The following KRT80 variants were observed in gnomAD, a reference collection of about 807,000 sequenced individuals.
KRT80 encodes the protein keratin, type II cytoskeletal 80.
A neutral mutation model predicts 51.5 loss-of-function variants in KRT80; 36 were observed. The observed-to-expected ratio is 0.70, with a 90% CI of 0.54 to 0.92. The LOEUF (loss-of-function observed/expected upper bound fraction) is 0.92, where lower values mean the gene tolerates loss of function less well. KRT80 is among the 40% of genes least tolerant of loss of function. KRT80 has a pLI of 0.00. For synonymous variants in KRT80, 235 were observed against 248.3 expected (o/e 0.95, Z 0.50); for missense variants, 566 against 591.7 (o/e 0.96, Z 0.45).
At position 52,191,188 on chromosome 12, in the gene KRT80, T is replaced by A. The variant is rs372202588; in HGVS notation, c.300+415A>T. The stretch of plus-strand genomic sequence containing the variant: ...GCTGTGGGACCAGAGGCTTGAGGGA[T>A]AAACAGGAGCGTGGTGCCTGGGAGG... On this transcript the variant is annotated intron_variant, in intron 1 of 8. Transcript: ENST00000394815. 6.2e-3 allele frequency among the ~76,000 whole-genome samples: 949 copies of A among 152,234 alleles called. 22 individuals are homozygous for A. The East Asian group carries it at 0.08, about 13-fold the overall frequency.
At chr12:52,187,472 G>T in intron 1 of KRT80, among the ~76,000 whole-genome samples, 1 of 152,196 alleles carries the variant, frequency 6.6e-6, no homozygotes, top group East Asian at 1.9e-4. Flanking sequence ...GTAGGCTCCC[G>T]AACGGTCAGG....
At chr12:52,189,155 C>T (rs1448397894) in intron 1 of KRT80, among the ~76,000 whole-genome samples, 1 of 152,092 alleles carries the variant, frequency 6.6e-6, no homozygotes, top group Admixed American at 6.5e-5. Flanking sequence ...CCCCTCTCCT[C>T]TCTTTACCCA....
At chr12:52,171,775 C>T in intron 7 of KRT80, 62 bp from the exon 8 acceptor site, 1 of 1,153,612 alleles carries the variant, frequency 8.7e-7, no homozygotes, top group Non-Finnish European at 1.3e-6. Context: ...GAGCCTGTGG[C>T]TTAAACTCCC....
chr12:52,185,330 G>A, intron 2 of KRT80, 49 bp downstream of exon 2: 1 of 1,541,460 alleles, frequency 6.5e-7, no homozygotes, highest in Non-Finnish European at 8.8e-7. Flanking sequence ...AGCACAGCTT[G>A]GTCCCAGCCC....
At chr12:52,189,623 A>G (rs1179845697) in intron 1 of KRT80, among the ~76,000 whole-genome samples, 1 of 152,168 alleles carries the variant, frequency 6.6e-6, no homozygotes, top group East Asian at 1.9e-4. Context: ...AGCCTCCACA[A>G]GGAGGCAAGG....
At chr12:52,188,317 A>G (rs1941435796) in intron 1 of KRT80, among the ~76,000 whole-genome samples, 1 of 152,020 alleles carries the variant, frequency 6.6e-6, no homozygotes, top group Admixed American at 6.6e-5. Flanking sequence ...TCTCCATTTT[A>G]CAGATGAAGA....
At chr12:52,180,726 C>T (rs750401101) in intron 3 of KRT80, 118 bp from the exon 4 acceptor site, 2 of 1,599,864 alleles carry the variant, frequency 1.3e-6, no homozygotes, top group East Asian at 2.2e-5. Flanking sequence ...AGATCTGGCT[C>T]AGAGCCTCGA....
chr12:52,189,813 G>A (rs1315191054), intron 1 of KRT80, among the ~76,000 whole-genome samples: 2 of 152,224 alleles, frequency 1.3e-5, no homozygotes, highest in African/African-American at 4.8e-5. Flanking sequence ...AGAACTTCAA[G>A]GGCATTGCCC....
chr12:52,180,163 G>A (rs1025328083), intron 4 of KRT80, among the ~76,000 whole-genome samples: 4 of 152,244 alleles, frequency 2.6e-5, no homozygotes, highest in African/African-American at 7.2e-5. Flanking sequence ...CAGCATGCTC[G>A]TTCCAGACCC....
intron 3 of KRT80, 34 bp downstream of exon 3, chr12:52,180,869 G>A (rs755411262): frequency 6.2e-7 from 1 of 1,609,396 alleles, no homozygotes; most frequent in Non-Finnish European, 8.5e-7. Flanking sequence ...GGGCCCATGA[G>A]GAAGGAGCCC....
At position 52,180,941 on chromosome 12, in the gene KRT80, G is replaced by C; in HGVS notation, c.532C>G (p.Arg178Gly). ...ACAAAGGTGAACTCCATGTCTGTGC[G>C]CTTGGAGATCTCATCCTCATACCTG... ...RIRYEDEISK[R>G]TDMEFTFVQL... Residue 178 changes from arginine to glycine, a missense_variant, in exon 3 of 9, where the codon CGC becomes GGC. By Grantham distance (125) the Arg-to-Gly change is moderately radical (BLOSUM62 -2). Coordinates refer to ENST00000394815, the MANE Select transcript of KRT80 (RefSeq NM_182507.3). 2.6e-6 allele frequency: 4 copies of C among 1,537,810 alleles called. No individual in the cohort carries two copies. Among genetic ancestry groups the C allele is most frequent in the Non-Finnish European group, 3.5e-6 (4 of 1,144,504 alleles).
At chr12:52,175,888 G>T (rs1433964642) in intron 4 of KRT80, among the ~76,000 whole-genome samples, 4 of 152,180 alleles carry the variant, frequency 2.6e-5, no homozygotes, top group Non-Finnish European at 5.9e-5. Flanking sequence ...CAGCACCCTG[G>T]CTGGGGCTTG....
chr12:52,184,883 A>G (rs1040455616), intron 2 of KRT80, among the ~76,000 whole-genome samples: 4 of 152,158 alleles, frequency 2.6e-5, no homozygotes, highest in African/African-American at 9.7e-5. Context: ...ATTCAAATCA[A>G]ACCCATTCTT....
At chr12:52,179,865 G>C (rs1237531776) in intron 4 of KRT80, among the ~76,000 whole-genome samples, 2 of 152,194 alleles carry the variant, frequency 1.3e-5, no homozygotes, top group African/African-American at 2.4e-5. Context: ...TGAAACAAGT[G>C]GTGTGGAGAG....
rs1179173968 is a variant in KRT80 at position 52,173,783 on chromosome 12, G to T, written c.667-19C>A. 3 of 1,605,800 alleles carry T rather than the reference G, an allele frequency of 1.9e-6. No individual in the cohort carries two copies. The highest frequency in any genetic ancestry group is 2.5e-6 in the Non-Finnish European group (3 of 1,179,234). ...TCAGCTCCTGACCGGGCACAGATGT[G>T]GGGGCTCAGGGCTGGTGGGGAGGGC... On this transcript the variant is annotated intron_variant, in intron 4 of 8. Transcript: ENST00000394815.
chr12:52,173,906 G>A (rs1263139515), intron 4 of KRT80, 142 bp from the exon 5 acceptor site: 8 of 843,306 alleles, frequency 9.5e-6, no homozygotes, highest in Non-Finnish European at 1.3e-5. Flanking sequence ...ATGGAAGGCC[G>A]AATGCCTCCC....
intron 4 of KRT80, among the ~76,000 whole-genome samples, chr12:52,175,931 G>T (rs1018781038): frequency 2.0e-5 from 3 of 152,200 alleles, no homozygotes; most frequent in Non-Finnish European, 2.9e-5. Context: ...CAGCTTTGAG[G>T]CTGTTTTGGT....
rs780476293 is a variant in KRT80 at position 52,191,851 on chromosome 12, C to T, written c.52G>A (p.Val18Met). The change falls in exon 1 of 9, where the codon GTG becomes ATG. Residue 18 changes from valine (V) to methionine (M), a missense_variant. Transcript: ENST00000394815. ...VGFSSLSSCE[V>M]TPVGSPRPGT... ...GGCCGGGGGCTGCCCACCGGGGTCA[C>T]CTCACAGCTGCTGAGGCTGCTGAAG... The T allele has an allele frequency of 3.2e-6, 5 of 1,550,718 alleles. No homozygotes were observed. The highest frequency in any genetic ancestry group is 4.4e-6 in the Non-Finnish European group (5 of 1,145,408).
In KRT80 at chr12:52,183,638, C is replaced by G. The variant is rs78407719; in HGVS notation, c.509+1741G>C. 2.6e-3 allele frequency among the ~76,000 whole-genome samples: 395 copies of G among 152,354 alleles called. 1 individual carries two copies. Among genetic ancestry groups the G allele is most frequent in the African/African-American group, 9.0e-3 (375 of 41,576 alleles). ...AGTCAGGTAGCAGGCGGATAGAAAC[C>G]AGGCGGCAGGCCAAATGAGGGGGCT... On this transcript the variant is annotated intron_variant, in intron 2 of 8. Coordinates refer to ENST00000394815, the MANE Select transcript of KRT80 (RefSeq NM_182507.3).
Sources: allele counts gnomAD v4.1 joint callset (sites outside exome capture counted in the v4.1 genomes callset), GRCh38; gene constraint gnomAD v4.1.1; transcripts MANE v1.5; gene names NCBI Gene and HGNC (gene_info 2026-07-23, HGNC 2026-07-21).